Variants in RCSD1 observed in about 807,000 individuals in gnomAD.
RCSD1 encodes capZ-interacting protein.
RCSD1 carries 26 observed loss-of-function variants against 42.5 expected under a neutral mutation model. The ratio of observed to expected loss-of-function variants is 0.61; its 90% CI spans 0.45 to 0.85. RCSD1 has a LOEUF of 0.85. Among genes scored for constraint, RCSD1 ranks in the 40% least tolerant of loss-of-function variants. The pLI is 0.00. For missense variants in RCSD1, 571 were observed against 528.3 expected (o/e 1.08, Z -0.79); for synonymous variants, 220 against 212.2 (o/e 1.04, Z -0.32).
At chr1:167,673,807 G>T (rs182619770) in intron 1 of RCSD1, among the ~76,000 whole-genome samples, 1 of 152,244 alleles carries the variant, frequency 6.6e-6, no homozygotes, top group East Asian at 1.9e-4. Context: ...CAGCCCCTGT[G>T]CCTACAACAT....
At chr1:167,655,067 A>C (rs963101830) in intron 1 of RCSD1, among the ~76,000 whole-genome samples, 2 of 152,142 alleles carry the variant, frequency 1.3e-5, no homozygotes, top group Non-Finnish European at 2.9e-5. Flanking sequence ...GAGGAAGAGT[A>C]CAAGGGCCTC....
intron 1 of RCSD1, chr1:167,663,920 A>T (rs1658596155): frequency 6.6e-6 from 1 of 152,222 alleles, no homozygotes; most frequent in Non-Finnish European, 1.5e-5. Flanking sequence ...CTTTATCACA[A>T]TTCTAAAAAA....
chr1:167,700,127 T>C (rs1381573119), intron 6 of RCSD1, among the ~76,000 whole-genome samples: 1 of 152,164 alleles, frequency 6.6e-6, no homozygotes, highest in African/African-American at 2.4e-5. Flanking sequence ...AATGAATGGA[T>C]TTTAAAAGAA....
intron 1 of RCSD1, among the ~76,000 whole-genome samples, chr1:167,649,062 T>C (rs1050649091): frequency 2.0e-5 from 3 of 152,130 alleles, no homozygotes; most frequent in Admixed American, 1.3e-4. Flanking sequence ...AGATCTGTGC[T>C]CAGAACACAG....
intron 1 of RCSD1, among the ~76,000 whole-genome samples, chr1:167,630,913 T>G (rs1481359378): frequency 6.6e-6 from 1 of 152,140 alleles, no homozygotes; most frequent in Admixed American, 6.5e-5. Context: ...CCTTTTCGCT[T>G]TCGGAGTGGC....
intron 1 of RCSD1, among the ~76,000 whole-genome samples, chr1:167,635,531 G>T (rs1031931205): frequency 7.2e-5 from 11 of 152,218 alleles, no homozygotes; most frequent in African/African-American, 2.7e-4. Flanking sequence ...TCACAGCACT[G>T]CGAGCCAGAG....
In RCSD1 at chr1:167,657,667, A is replaced by T. The variant is rs1658452793; in HGVS notation, c.7-26233A>T. Among the ~76,000 whole-genome samples, 6 of 152,194 alleles carry T rather than the reference A, an allele frequency of 3.9e-5. No homozygotes were observed. The South Asian group carries it at 1.2e-3, about 32-fold the overall frequency. On this transcript the variant is annotated intron_variant, in intron 1 of 6. Transcript: ENST00000367854. ...CCCAGACACCCAGGACTTGGTTTTG[A>T]TATGCTGAGCAGATGGACTGCTCAC...
In RCSD1 at chr1:167,706,836, G is replaced by A. The variant is rs970349463; in HGVS notation, c.*2140G>A. On this transcript the variant is annotated 3_prime_UTR_variant, in exon 7 of 7. Transcript: ENST00000367854. ...TCCTTTCTCAAAGCAACCATGATCA[G>A]GTGTTTTATTTGCATGGTTGATACT... Among the ~76,000 whole-genome samples, 1 of 152,130 alleles carries A rather than the reference G, an allele frequency of 6.6e-6. No homozygotes were observed. The highest frequency in any genetic ancestry group is 2.4e-5 in the African/African-American group (1 of 41,422).
At chr1:167,642,264 G>T (rs1366611724) in intron 1 of RCSD1, among the ~76,000 whole-genome samples, 1 of 152,198 alleles carries the variant, frequency 6.6e-6, no homozygotes, top group Non-Finnish European at 1.5e-5. Context: ...TCTTTGAGCT[G>T]TGTCTGGAAG....
At chr1:167,648,105 T>G (rs1035953482) in intron 1 of RCSD1, among the ~76,000 whole-genome samples, 6 of 152,264 alleles carry the variant, frequency 3.9e-5, no homozygotes. Context: ...CTGTACTCTA[T>G]CTTTTCTCTT....
At chr1:167,672,431 T>C (rs1276701958) in intron 1 of RCSD1, among the ~76,000 whole-genome samples, 1 of 152,176 alleles carries the variant, frequency 6.6e-6, no homozygotes, top group African/African-American at 2.4e-5. Flanking sequence ...TGGACTAAAA[T>C]CAAGTTTTTG....
chr1:167,671,612 C>T (rs1658808454), intron 1 of RCSD1, among the ~76,000 whole-genome samples: 1 of 152,348 alleles, frequency 6.6e-6, no homozygotes, highest in Admixed American at 6.5e-5. Flanking sequence ...TCAACTTGCT[C>T]ATTTTTTACC....
At chr1:167,684,751 G>A (rs7517906) in intron 2 of RCSD1, among the ~76,000 whole-genome samples, 7,033 of 152,248 alleles carry the variant, frequency 0.046, 321 homozygotes, top group African/African-American at 0.12. Context: ...GCACATGCCT[G>A]TAAGCCCAGC....
At chr1:167,664,178 G>A (rs1658600162) in intron 1 of RCSD1, 1 of 152,238 alleles carries the variant, frequency 6.6e-6, no homozygotes, top group African/African-American at 2.4e-5. Flanking sequence ...ATTACAGAGT[G>A]GGATCCAAAC....
At chr1:167,678,717 C>A (rs954073151) in intron 1 of RCSD1, among the ~76,000 whole-genome samples, 5 of 152,160 alleles carry the variant, frequency 3.3e-5, no homozygotes, top group African/African-American at 1.2e-4. Flanking sequence ...CCTGCTGGTT[C>A]AAGATAAAAC....
chr1:167,632,991 A>G (rs1330196831), intron 1 of RCSD1, among the ~76,000 whole-genome samples: 1 of 152,210 alleles, frequency 6.6e-6, no homozygotes, highest in African/African-American at 2.4e-5. Context: ...CAGTTTTGGG[A>G]CATGAAAGGG....
chr1:167,663,243 C>T (rs1658578991), intron 1 of RCSD1, among the ~76,000 whole-genome samples: 1 of 152,236 alleles, frequency 6.6e-6, no homozygotes, highest in Non-Finnish European at 1.5e-5. Context: ...CCCACAGAAG[C>T]CTTTGAGAGC....
chr1:167,675,371 G>A (rs997361195), intron 1 of RCSD1, among the ~76,000 whole-genome samples: 8 of 152,124 alleles, frequency 5.3e-5, no homozygotes, highest in African/African-American at 1.9e-4. Flanking sequence ...AGGCAAGAGA[G>A]CTTTTGCAGG....
chr1:167,637,158 G>A (rs2102194608), intron 1 of RCSD1, among the ~76,000 whole-genome samples: 1 of 152,242 alleles, frequency 6.6e-6, no homozygotes. Flanking sequence ...TTAACCAAGG[G>A]CAGAAAATTG....
Sources: allele counts gnomAD v4.1 joint callset (sites outside exome capture counted in the v4.1 genomes callset), GRCh38; gene constraint gnomAD v4.1.1; transcripts MANE v1.5; gene names NCBI Gene and HGNC (gene_info 2026-07-23, HGNC 2026-07-21).